The following MDGA2 variants were observed in gnomAD, a reference collection of about 807,000 sequenced individuals.
MDGA2 encodes MAM domain containing glycosylphosphatidylinositol anchor 2, also known as MAM domain-containing glycosylphosphatidylinositol anchor protein 2.
MDGA2 carries 40 observed loss-of-function variants against 117.8 expected under a neutral mutation model. The observed-to-expected ratio is 0.34, with a 90% CI of 0.26 to 0.44. MDGA2 has a LOEUF of 0.44. MDGA2 is among the 20% of genes least tolerant of loss of function. The probability of loss-of-function intolerance (pLI) is 1.00; values close to 1 mark genes in which losing one functional copy is unlikely to be tolerated. For missense variants in MDGA2, 1,123 were observed against 1,250.6 expected, an observed-to-expected ratio of 0.90 and a Z score of 1.54; for synonymous variants, 452 against 439.0, an observed-to-expected ratio of 1.03 and a Z score of -0.37.
intron 5 of MDGA2, among the ~76,000 whole-genome samples, chr14:47,105,642 C>G (rs936828121): frequency 6.6e-6 from 1 of 151,678 alleles, no homozygotes; most frequent in Non-Finnish European, 1.5e-5. Context: ...TAATTCTTGT[C>G]GTAAAATAGG....
chr14:47,053,238 A>C (rs1364426408), intron 7 of MDGA2, among the ~76,000 whole-genome samples: 1 of 151,852 alleles, frequency 6.6e-6, no homozygotes, highest in Non-Finnish European at 1.5e-5. Context: ...CTTGGACAGT[A>C]ATAGCTTTGC....
At chr14:46,958,380 T>C (rs962801899) in intron 8 of MDGA2, among the ~76,000 whole-genome samples, 2 of 152,114 alleles carry the variant, frequency 1.3e-5, no homozygotes. Context: ...GAAATAAAGA[T>C]GAAAAGAAAG....
intron 1 of MDGA2, among the ~76,000 whole-genome samples, chr14:47,308,243 A>C (rs955116801): frequency 1.3e-5 from 2 of 152,162 alleles, no homozygotes; most frequent in Admixed American, 1.3e-4. Flanking sequence ...TAAAACCGCT[A>C]TTTAGGCTTA....
Position 46,957,552 on chromosome 14 carries a change from T to A in MDGA2, c.1911A>T (p.Pro637=). 1.9e-6 allele frequency: 3 copies of A among 1,614,170 alleles called. No individual in the cohort carries two copies. ...GCCACTCATAGGTCAGCACCCGTATTGGATAGGCTCTCAGTACTCTGCAAC... is the reference window on the plus strand; with the variant it reads ...GCCACTCATAGGTCAGCACCCGTATAGGATAGGCTCTCAGTACTCTGCAAC... ...TMSCRVLRAY[P]IRVLTYEWRL... is the part of the protein sequence containing the mutation. Residue 637 remains proline (P), a synonymous_variant, in exon 9 of 17, where the codon CCA becomes CCT. Transcript: ENST00000399232.
intron 2 of MDGA2, among the ~76,000 whole-genome samples, chr14:47,242,681 A>G (rs8018897): frequency 0.82 from 124,498 of 151,704 alleles, 51,551 homozygotes; most frequent in East Asian, 0.93. Flanking sequence ...GCCTTCCCGC[A>G]GGGCAGTGCT....
intron 1 of MDGA2, among the ~76,000 whole-genome samples, chr14:47,350,938 G>A (rs1298473493): frequency 6.6e-6 from 1 of 152,182 alleles, no homozygotes; most frequent in Non-Finnish European, 1.5e-5. Context: ...TAGAGACGGA[G>A]TCTCGCTGCA....
At chr14:47,470,413 G>C (rs1032292942) in intron 1 of MDGA2, among the ~76,000 whole-genome samples, 1 of 152,040 alleles carries the variant, frequency 6.6e-6, no homozygotes. Context: ...ATGGTTGCTA[G>C]CTTCATACAT....
Position 46,997,068 on chromosome 14 carries a change from G to C in MDGA2, c.1819+37943C>G, listed in dbSNP as rs1887321682. 4.2e-5 allele frequency: 10 copies of C among 236,564 alleles called. No individual in the cohort carries two copies. The South Asian group carries it at 5.9e-4, about 14-fold the overall frequency. The allele number at this position is 236,564 out of a possible 1,614,324, so 14.7% of individuals were successfully genotyped here. A position where few individuals can be genotyped will look rare whatever the true frequency, so the allele number is the denominator to read the frequency against. On this transcript the variant is annotated intron_variant, in intron 8 of 16. Coordinates refer to ENST00000399232, the MANE Select transcript of MDGA2 (RefSeq NM_001113498.3). The stretch of plus-strand genomic sequence containing the variant: ...AAAGATTGAGCTTTCAGGATCTTAA[G>C]AAACAGCTCCAACACATCTGTAGCC...
intron 1 of MDGA2, among the ~76,000 whole-genome samples, chr14:47,504,369 C>T (rs1894466428): frequency 6.6e-6 from 1 of 152,098 alleles, no homozygotes; most frequent in African/African-American, 2.4e-5. Flanking sequence ...ATAACATTTA[C>T]AACAGTTGGT....
rs985367044 is a variant in MDGA2, at chr14:47,129,082, T to A, written c.925+2632A>T. ...CTTTTAACTATACGAAATAGAGCAT[T>A]CTCTAGTTTTTTTTTTTCTTTTATT... On this transcript the variant is annotated intron_variant, in intron 5 of 16. Transcript: ENST00000399232. 4.1e-5 allele frequency among the ~76,000 whole-genome samples: 6 copies of A among 146,296 alleles called. No homozygotes were observed. The Admixed American group carries it at 4.1e-4, about 10-fold the overall frequency.
chr14:47,520,806 A>C (rs1594897545), intron 1 of MDGA2, among the ~76,000 whole-genome samples: 1 of 152,208 alleles, frequency 6.6e-6, no homozygotes, highest in African/African-American at 2.4e-5. Flanking sequence ...TAGATTCATT[A>C]CATGAAAAAC....
intron 2 of MDGA2, among the ~76,000 whole-genome samples, chr14:47,293,820 T>C (rs1402054642): frequency 1.3e-5 from 2 of 152,140 alleles, no homozygotes; most frequent in Non-Finnish European, 2.9e-5. Flanking sequence ...TTTCTAAAAA[T>C]CTTTGGTTGA....
chr14:47,368,654 A>G (rs1008620517), intron 1 of MDGA2, among the ~76,000 whole-genome samples: 46 of 152,188 alleles, frequency 3.0e-4, no homozygotes, highest in African/African-American at 1.1e-3. Context: ...ATTTTCATAA[A>G]TAGTATCTAA....
At chr14:47,273,774 T>C (rs1888221920) in intron 2 of MDGA2, among the ~76,000 whole-genome samples, 1 of 152,172 alleles carries the variant, frequency 6.6e-6, no homozygotes, top group Admixed American at 6.6e-5. Flanking sequence ...AAGGATAATA[T>C]AGTGAAGTTC....
At chr14:47,472,436 T>C (rs1489917675) in intron 1 of MDGA2, among the ~76,000 whole-genome samples, 1 of 152,176 alleles carries the variant, frequency 6.6e-6, no homozygotes, top group African/African-American at 2.4e-5. Flanking sequence ...TATAACACAA[T>C]GGCATTAGTG....
intron 1 of MDGA2, among the ~76,000 whole-genome samples, chr14:47,512,342 A>C (rs2138696156): frequency 6.6e-6 from 1 of 152,216 alleles, no homozygotes; most frequent in African/African-American, 2.4e-5. Context: ...TGCATTAGGA[A>C]ATTTTCAGTA....
rs118003891 is a variant in MDGA2 at position 47,338,180 on chromosome 14, A to T, written c.281-36630T>A. On this transcript the variant is annotated intron_variant, in intron 1 of 16. Transcript: ENST00000399232. ...TGTGTATTTGTTCTTTTTAATTAGC[A>T]TGCCATCAAACTAGATCATGAGGAT... Among the ~76,000 whole-genome samples, 717 of 152,078 alleles carry T rather than the reference A, an allele frequency of 4.7e-3. 2 individuals carry two copies. Among genetic ancestry groups the T allele is most frequent in the Non-Finnish European group, 8.2e-3 (558 of 67,940 alleles).
At chr14:47,396,521 C>A (rs1228634534) in intron 1 of MDGA2, among the ~76,000 whole-genome samples, 1 of 152,066 alleles carries the variant, frequency 6.6e-6, no homozygotes, top group Non-Finnish European at 1.5e-5. Context: ...TTCTGCACAA[C>A]AAAAGAAACT....
intron 1 of MDGA2, among the ~76,000 whole-genome samples, chr14:47,468,753 C>T (rs546717049): frequency 1.7e-3 from 263 of 151,928 alleles, no homozygotes; most frequent in African/African-American, 6.0e-3. Flanking sequence ...TAGTTAAATT[C>T]GACACCTCTT....
Sources: allele counts gnomAD v4.1 joint callset (sites outside exome capture counted in the v4.1 genomes callset), GRCh38; gene constraint gnomAD v4.1.1; transcripts MANE v1.5; gene names NCBI Gene and HGNC (gene_info 2026-07-23, HGNC 2026-07-21).